BTBD9: variants seen among roughly 807,000 people sequenced by gnomAD.
The protein encoded by BTBD9 is BTB/POZ domain-containing protein 9.
Under a neutral mutation model 64.3 loss-of-function variants are expected in BTBD9, and 49 were observed. The ratio of observed to expected loss-of-function variants is 0.76; its 90% CI spans 0.61 to 0.97. The LOEUF is 0.97. Ranked by LOEUF, BTBD9 falls within the 50% of genes least tolerant of loss-of-function variation. The pLI is 0.00. For missense variants in BTBD9, 598 were observed against 762.1 expected (o/e 0.78, Z 2.53); for synonymous variants, 260 against 274.7 (o/e 0.95, Z 0.53).
At chr6:38,336,255 G>C (rs775448080) in intron 7 of BTBD9, among the ~76,000 whole-genome samples, 10 of 152,102 alleles carry the variant, frequency 6.6e-5, no homozygotes, top group Non-Finnish European at 1.5e-4. Flanking sequence ...ACCATTTTGT[G>C]TGAATCTCTC....
intron 6 of BTBD9, among the ~76,000 whole-genome samples, chr6:38,565,662 T>C (rs2127460309): frequency 6.6e-6 from 1 of 152,276 alleles, no homozygotes; most frequent in Non-Finnish European, 1.5e-5. Flanking sequence ...ATAATGATAA[T>C]GCCCATTGTT....
intron 7 of BTBD9, among the ~76,000 whole-genome samples, chr6:38,300,659 T>A (rs1762353184): frequency 1.3e-5 from 2 of 152,190 alleles, no homozygotes; most frequent in East Asian, 3.8e-4. Flanking sequence ...GGCTCTCTGT[T>A]TGTCTGTTAC....
intron 6 of BTBD9, among the ~76,000 whole-genome samples, chr6:38,453,207 A>G (rs1769638527): frequency 6.6e-6 from 1 of 152,192 alleles, no homozygotes; most frequent in South Asian, 2.1e-4. Context: ...AGAGTTTAGT[A>G]TTAGAATTTG....
intron 7 of BTBD9, among the ~76,000 whole-genome samples, chr6:38,333,854 A>G (rs1288743666): frequency 1.3e-5 from 2 of 152,202 alleles, no homozygotes; most frequent in Non-Finnish European, 2.9e-5. Flanking sequence ...ACGATACCTG[A>G]AAATGTGGAA....
intron 7 of BTBD9, among the ~76,000 whole-genome samples, chr6:38,290,676 G>A (rs542526187): frequency 1.3e-5 from 2 of 152,208 alleles, no homozygotes; most frequent in South Asian, 4.2e-4. Context: ...AGAGTAAGCT[G>A]GGCACAGGCT....
chr6:38,535,965 A>C (rs1774005133), intron 6 of BTBD9, among the ~76,000 whole-genome samples: 1 of 152,168 alleles, frequency 6.6e-6, no homozygotes, highest in Admixed American at 6.5e-5. Context: ...CTCCAAAAGC[A>C]TAGGCAAGCA....
chr6:38,523,567 T>C (rs902822716), intron 6 of BTBD9, among the ~76,000 whole-genome samples: 1 of 152,102 alleles, frequency 6.6e-6, no homozygotes, highest in Non-Finnish European at 1.5e-5. Context: ...CACCTTGTAG[T>C]CTCCCTGTCT....
intron 7 of BTBD9, among the ~76,000 whole-genome samples, chr6:38,303,884 CACAT>C (rs1762514508): frequency 2.6e-5 from 3 of 115,838 alleles, no homozygotes; most frequent in African/African-American, 8.6e-5. Context: ...TACACACACA[CACAT>C]GTGTATATAT....
Position 38,587,997 on chromosome 6 carries a change from G to A in BTBD9, c.814+4579C>T, listed in dbSNP as rs1776618506. The stretch of plus-strand genomic sequence containing the variant: ...TCCTCAGTAGCAGCTCACCCACCAG[G>A]AGTTCAGCCACAGCAACCACCATAT... On this transcript the variant is annotated intron_variant, in intron 4 of 10. Transcript: ENST00000481247. 4.0e-6 allele frequency: 3 copies of A among 742,540 alleles called. No homozygotes were observed. In the South Asian group the frequency reaches 4.2e-5, roughly 10 times the overall value. The allele number at this position is 742,540 out of a possible 1,614,324, so 46.0% of individuals were successfully genotyped here. A position where few individuals can be genotyped will look rare whatever the true frequency, so the allele number is the denominator to read the frequency against.
At chr6:38,484,123 T>A (rs1158627838) in intron 6 of BTBD9, among the ~76,000 whole-genome samples, 2 of 152,232 alleles carry the variant, frequency 1.3e-5, no homozygotes, top group African/African-American at 4.8e-5. Context: ...AATCCTTGTT[T>A]AGAATCCTGT....
intron 10 of BTBD9, among the ~76,000 whole-genome samples, chr6:38,176,916 C>T (rs1417020103): frequency 2.6e-5 from 4 of 152,174 alleles, no homozygotes; most frequent in Admixed American, 2.6e-4. Flanking sequence ...GGCCAGGACA[C>T]GCCTTGAGAG....
Position 38,563,928 on chromosome 6 carries a change from C to A in BTBD9, c.1154+13672G>T, listed in dbSNP as rs62396457. ...TCCCGAGTAGCTGGGACTACAGGCGCCCGCCACCACGCCTGGCTAACTTTT... is the reference window on the plus strand; with the variant it reads ...TCCCGAGTAGCTGGGACTACAGGCGACCGCCACCACGCCTGGCTAACTTTT... On this transcript the variant is annotated intron_variant, in intron 6 of 10. Transcript: ENST00000481247. Among the ~76,000 whole-genome samples, 1,320 of 151,904 alleles carry A rather than the reference C, an allele frequency of 8.7e-3. 9 individuals are homozygous for A. Among genetic ancestry groups the A allele is most frequent in the Non-Finnish European group, 0.014 (978 of 67,924 alleles).
At chr6:38,437,995 T>C (rs1768816139) in intron 6 of BTBD9, among the ~76,000 whole-genome samples, 1 of 152,038 alleles carries the variant, frequency 6.6e-6, no homozygotes, top group Non-Finnish European at 1.5e-5. Context: ...GTATTGAAGA[T>C]GGAATTCTAA....
intron 1 of BTBD9, among the ~76,000 whole-genome samples, chr6:38,634,892 G>T (rs1338076388): frequency 6.6e-6 from 1 of 152,166 alleles, no homozygotes; most frequent in African/African-American, 2.4e-5. Flanking sequence ...GGTAGACCTA[G>T]AGAGTCTGGA....
chr6:38,557,604 CCTT>C (rs1325731432), intron 6 of BTBD9, among the ~76,000 whole-genome samples: 21 of 152,274 alleles, frequency 1.4e-4, no homozygotes, highest in Non-Finnish European at 2.8e-4. Flanking sequence ...TAATTTTCCT[CCTT>C]CTTCCAGGCA....
chr6:38,311,694 G>A (rs371755091), intron 7 of BTBD9, among the ~76,000 whole-genome samples: 41 of 152,058 alleles, frequency 2.7e-4, no homozygotes, highest in African/African-American at 6.7e-4. Flanking sequence ...TTATATTCCC[G>A]CCAACAGTGT....
At chr6:38,444,240 C>T in intron 6 of BTBD9, among the ~76,000 whole-genome samples, 1 of 148,568 alleles carries the variant, frequency 6.7e-6, no homozygotes, top group Non-Finnish European at 1.5e-5. Context: ...GGAACTAATA[C>T]TCTGAGAACA....
intron 6 of BTBD9, among the ~76,000 whole-genome samples, chr6:38,411,748 C>T (rs182873975): frequency 2.0e-5 from 3 of 152,070 alleles, no homozygotes; most frequent in East Asian, 1.9e-4. Flanking sequence ...CCAGCCTGGG[C>T]AACATGGCAA....
chr6:38,321,785 T>C (rs1157854887), intron 7 of BTBD9, among the ~76,000 whole-genome samples: 1 of 152,006 alleles, frequency 6.6e-6, no homozygotes, highest in Non-Finnish European at 1.5e-5. Context: ...TTCTCCTGTT[T>C]GCCTACTTTC....
Sources: allele counts gnomAD v4.1 joint callset (sites outside exome capture counted in the v4.1 genomes callset), GRCh38; gene constraint gnomAD v4.1.1; transcripts MANE v1.5; gene names NCBI Gene and HGNC (gene_info 2026-07-23, HGNC 2026-07-21).